Variants in XKR4 observed in about 807,000 individuals in gnomAD.
XKR4 encodes XK-related protein 4.
Under a neutral mutation model 53.9 loss-of-function variants are expected in XKR4, and 12 were observed. That is an observed-to-expected ratio of 0.22 (90% CI 0.14 to 0.36). The LOEUF is 0.36. Ranked by LOEUF, XKR4 falls within the 10% of genes least tolerant of loss-of-function variation. The pLI is 1.00. For synonymous variants in XKR4, 354 were observed against 362.4 expected, an observed-to-expected ratio of 0.98 and a Z score of 0.26; for missense variants, 799 against 859.5, an observed-to-expected ratio of 0.93 and a Z score of 0.88.
chr8:55,127,263 T>C (rs1312426257), intron 1 of XKR4, among the ~76,000 whole-genome samples: 2 of 151,542 alleles, frequency 1.3e-5, no homozygotes, highest in East Asian at 3.9e-4. Context: ...TTCATTTTTT[T>C]TAATTTTGAG....
chr8:55,454,068 GCT>G (rs1463329825), intron 2 of XKR4: 17 of 830,484 alleles, frequency 2.0e-5, no homozygotes, highest in Non-Finnish European at 3.3e-5. Flanking sequence ...AAGAGCCGCA[GCT>G]CTTTGTCCTG....
intron 1 of XKR4, chr8:55,164,814 ACG>A (rs1402377900): frequency 1.7e-5 from 3 of 171,728 alleles, no homozygotes; most frequent in Admixed American, 5.8e-5. Flanking sequence ...ACACACACAC[ACG>A]TTCAGCAGAG....
rs116658411 is a variant in XKR4 at position 55,488,079 on chromosome 8, C to T, written c.1007-35202C>T. 2.4e-3 allele frequency among the ~76,000 whole-genome samples: 358 copies of T among 152,260 alleles called. 4 individuals are homozygous for T. Among genetic ancestry groups the T allele is most frequent in the African/African-American group, 7.3e-3 (302 of 41,538 alleles). On this transcript the variant is annotated intron_variant, in intron 2 of 2. Transcript: ENST00000327381. ...TTTGATCATTCTGTATTTCAACATACGGGATTATGGCCTTTGGGACTGTCT... is the reference window on the plus strand; with the variant it reads ...TTTGATCATTCTGTATTTCAACATATGGGATTATGGCCTTTGGGACTGTCT...
intron 1 of XKR4, among the ~76,000 whole-genome samples, chr8:55,303,537 T>C (rs1164204673): frequency 6.6e-6 from 1 of 152,234 alleles, no homozygotes; most frequent in Non-Finnish European, 1.5e-5. Flanking sequence ...GGATTCCCTC[T>C]TTTTCTATTG....
intron 2 of XKR4, among the ~76,000 whole-genome samples, chr8:55,397,290 G>A (rs1008291346): frequency 2.0e-5 from 3 of 152,124 alleles, no homozygotes; most frequent in Admixed American, 6.5e-5. Flanking sequence ...TTCTCTTGCC[G>A]CAATTATTCT....
chr8:55,199,035 T>C (rs1417860606), intron 1 of XKR4, among the ~76,000 whole-genome samples: 2 of 152,200 alleles, frequency 1.3e-5, no homozygotes, highest in Non-Finnish European at 2.9e-5. Flanking sequence ...TAAAAACTTA[T>C]CTCAATGTGG....
At chr8:55,285,400 A>G (rs1285416951) in intron 1 of XKR4, among the ~76,000 whole-genome samples, 2 of 152,144 alleles carry the variant, frequency 1.3e-5, no homozygotes, top group African/African-American at 4.8e-5. Context: ...GGAAAAATAA[A>G]TCTTTATTTC....
chr8:55,528,166 G>T lies in XKR4; in HGVS notation c.*3939G>T, dbSNP rs529475833. The T allele has an allele frequency of 6.6e-6, 1 of 152,246 alleles. No individual in the cohort carries two copies. The highest frequency in any genetic ancestry group is 6.5e-5 in the Admixed American group (1 of 15,300). The allele number at this position is 152,246 out of a possible 1,614,324, so 9.4% of individuals were successfully genotyped here. A position where few individuals can be genotyped will look rare whatever the true frequency, so the allele number is the denominator to read the frequency against. ...TGCTCCTTTTTCAAAACCAACCCAA[G>T]CTTACAGTCCATCTATAAGACCAAC... On this transcript the variant is annotated 3_prime_UTR_variant, in exon 3 of 3. Coordinates refer to ENST00000327381, the MANE Select transcript of XKR4 (RefSeq NM_052898.2).
chr8:55,281,455 C>T (rs1002511216), intron 1 of XKR4, among the ~76,000 whole-genome samples: 5 of 152,124 alleles, frequency 3.3e-5, no homozygotes, highest in Admixed American at 2.0e-4. Flanking sequence ...AGGAGGGACT[C>T]AAGGTCAAAA....
At chr8:55,176,108 C>T (rs978020623) in intron 1 of XKR4, among the ~76,000 whole-genome samples, 8 of 152,126 alleles carry the variant, frequency 5.3e-5, no homozygotes, top group South Asian at 2.1e-4. Context: ...ATCATAGATA[C>T]GCAGGTGACC....
At chr8:55,456,730 C>T (rs1805575278) in intron 2 of XKR4, among the ~76,000 whole-genome samples, 1 of 152,050 alleles carries the variant, frequency 6.6e-6, no homozygotes, top group Non-Finnish European at 1.5e-5. Flanking sequence ...ATATCTCAAT[C>T]TGAAAAGTAC....
intron 2 of XKR4, chr8:55,454,398 G>A (rs1563354957): frequency 7.1e-7 from 1 of 1,400,756 alleles, no homozygotes; most frequent in East Asian, 2.3e-5. Flanking sequence ...AGAGGAAACA[G>A]CAATGCCAGG....
chr8:55,117,835 A>G (rs546421732), intron 1 of XKR4, among the ~76,000 whole-genome samples: 5 of 152,336 alleles, frequency 3.3e-5, no homozygotes, highest in East Asian at 1.9e-4. Flanking sequence ...CAATGTTACC[A>G]TAATATCAAT....
At chr8:55,222,140 G>A (rs1817889390) in intron 1 of XKR4, among the ~76,000 whole-genome samples, 1 of 152,164 alleles carries the variant, frequency 6.6e-6, no homozygotes, top group Non-Finnish European at 1.5e-5. Context: ...GGTACTGTTA[G>A]TTGTAGCATG....
chr8:55,122,597 G>C (rs1182168992), intron 1 of XKR4, among the ~76,000 whole-genome samples: 2 of 152,128 alleles, frequency 1.3e-5, no homozygotes, highest in Non-Finnish European at 2.9e-5. Context: ...ATGTGAGCAT[G>C]TCTTTCTGTT....
intron 1 of XKR4, among the ~76,000 whole-genome samples, chr8:55,332,086 C>T (rs561981600): frequency 3.3e-5 from 5 of 151,972 alleles, no homozygotes; most frequent in Admixed American, 1.3e-4. Context: ...ATCACCTTCT[C>T]GTTTCCTTTT....
chr8:55,486,222 G>A (rs898080124), intron 2 of XKR4, among the ~76,000 whole-genome samples: 10 of 152,106 alleles, frequency 6.6e-5, no homozygotes, highest in East Asian at 1.9e-4. Flanking sequence ...AGCTACAGTC[G>A]TCTGAAATAT....
At position 55,541,249 on chromosome 8, in the gene XKR4, C is replaced by T. The variant is rs1807096618; in HGVS notation, c.*17022C>T. 6.6e-6 allele frequency: 1 copy of T among 152,150 alleles called. No individual in the cohort carries two copies. Among genetic ancestry groups the T allele is most frequent in the African/African-American group, 2.4e-5 (1 of 41,436 alleles). The allele number at this position is 152,150 out of a possible 1,614,324, so 9.4% of individuals were successfully genotyped here. A position where few individuals can be genotyped will look rare whatever the true frequency, so the allele number is the denominator to read the frequency against. ...TTGTACATGATATACACCACCCAAC[C>T]TCAGGAGGTTGTACTTAATTTTGTT... On this transcript the variant is annotated 3_prime_UTR_variant, in exon 3 of 3. Transcript: ENST00000327381.
intron 2 of XKR4, among the ~76,000 whole-genome samples, chr8:55,459,929 T>C (rs1238009160): frequency 2.6e-5 from 4 of 151,904 alleles, no homozygotes; most frequent in African/African-American, 9.7e-5. Context: ...CCCAGGTAAC[T>C]TCTCAAGAGA....
Sources: allele counts gnomAD v4.1 joint callset (sites outside exome capture counted in the v4.1 genomes callset), GRCh38; gene constraint gnomAD v4.1.1; transcripts MANE v1.5; gene names NCBI Gene and HGNC (gene_info 2026-07-23, HGNC 2026-07-21).